The following CTIF variants were observed in gnomAD, a reference collection of about 807,000 sequenced individuals.
CTIF encodes cap binding complex dependent translation initiation factor, also known as CBP80/20-dependent translation initiation factor.
Under a neutral mutation model 66.0 loss-of-function variants are expected in CTIF, and 21 were observed. That is an observed-to-expected ratio of 0.32 (90% confidence interval 0.23 to 0.46). CTIF has a LOEUF of 0.46. CTIF is among the 20% of genes least tolerant of loss of function. The pLI, the probability that CTIF is intolerant of heterozygous loss-of-function variation, is 1.00. For synonymous variants in CTIF, 345 were observed against 326.4 expected (o/e 1.06, Z -0.62); for missense variants, 739 against 812.7 (o/e 0.91, Z 1.10).
intron 1 of CTIF, among the ~76,000 whole-genome samples, chr18:48,588,901 GC>G (rs1568053562): frequency 6.6e-6 from 1 of 152,074 alleles, no homozygotes; most frequent in Non-Finnish European, 1.5e-5. Flanking sequence ...CACCTCCTCA[GC>G]CACACAGTGG....
rs1485819975 is a variant in CTIF at position 48,669,808 on chromosome 18, T to C, written c.432-861T>C. On this transcript the variant is annotated intron_variant, in intron 5 of 11. Coordinates refer to ENST00000256413, the MANE Select transcript of CTIF (RefSeq NM_014772.3). ...AGCTAAACATTTATATATATATATATATATATATATATATATATATATATA... is the reference window on the plus strand; with the variant it reads ...AGCTAAACATTTATATATATATATACATATATATATATATATATATATATA... 5.0e-5 allele frequency among the ~76,000 whole-genome samples: 5 copies of C among 100,404 alleles called. 1 individual carries two copies. Among genetic ancestry groups the C allele is most frequent in the African/African-American group, 1.9e-4 (5 of 26,500 alleles). The allele number at this position is 100,404 out of a possible 152,430, so 65.9% of individuals were successfully genotyped here.
chr18:48,731,897 C>T (rs967613899), intron 7 of CTIF, among the ~76,000 whole-genome samples: 3 of 152,242 alleles, frequency 2.0e-5, no homozygotes, highest in African/African-American at 7.2e-5. Flanking sequence ...CATAACTCCT[C>T]AGCTCTGCCA....
At chr18:48,622,167 G>A (rs557263092) in intron 2 of CTIF, among the ~76,000 whole-genome samples, 66 of 152,348 alleles carry the variant, frequency 4.3e-4, no homozygotes, top group East Asian at 1.7e-3. Flanking sequence ...AGGCCAGGAC[G>A]GGAGTGGGTA....
At chr18:48,715,326 C>T (rs1285372858) in intron 7 of CTIF, among the ~76,000 whole-genome samples, 1 of 152,048 alleles carries the variant, frequency 6.6e-6, no homozygotes, top group Non-Finnish European at 1.5e-5. Context: ...CAACTAGTAA[C>T]CACTTGTTTG....
At chr18:48,589,932 A>G (rs1286557773) in intron 1 of CTIF, among the ~76,000 whole-genome samples, 1 of 152,186 alleles carries the variant, frequency 6.6e-6, no homozygotes, top group East Asian at 1.9e-4. Context: ...GTGCTCTGGG[A>G]CGTGCGGTCA....
intron 9 of CTIF, among the ~76,000 whole-genome samples, chr18:48,804,498 G>A (rs2068103951): frequency 6.6e-6 from 1 of 152,226 alleles, no homozygotes; most frequent in Non-Finnish European, 1.5e-5. Flanking sequence ...ATGCCCCTTG[G>A]CTGGGCTGCA....
chr18:48,854,257 G>A (rs981213246), intron 10 of CTIF, among the ~76,000 whole-genome samples: 2 of 152,136 alleles, frequency 1.3e-5, no homozygotes, highest in Non-Finnish European at 2.9e-5. Flanking sequence ...AGGGACTGGG[G>A]TGGTCAGGAA....
intron 9 of CTIF, among the ~76,000 whole-genome samples, chr18:48,783,144 A>G (rs1911396276): frequency 6.6e-6 from 1 of 152,182 alleles, no homozygotes; most frequent in Admixed American, 6.5e-5. Flanking sequence ...AGCAACTGGG[A>G]TCCAGGCCTG....
At chr18:48,728,946 T>C (rs1247793866) in intron 7 of CTIF, among the ~76,000 whole-genome samples, 1 of 152,224 alleles carries the variant, frequency 6.6e-6, no homozygotes, top group Non-Finnish European at 1.5e-5. Flanking sequence ...AGTTCCTTCC[T>C]GTACCATTGC....
intron 3 of CTIF, among the ~76,000 whole-genome samples, chr18:48,656,766 T>C (rs1183573184): frequency 1.3e-5 from 2 of 152,172 alleles, no homozygotes; most frequent in African/African-American, 2.4e-5. Context: ...ATGATTGTTT[T>C]TGATAAGGCT....
intron 9 of CTIF, among the ~76,000 whole-genome samples, chr18:48,797,381 G>A (rs1469585875): frequency 1.3e-5 from 2 of 151,962 alleles, no homozygotes. Flanking sequence ...TCCTTGGGAG[G>A]CTGAGGCACG....
chr18:48,840,367 T>C (rs1453887523), intron 10 of CTIF, among the ~76,000 whole-genome samples: 1 of 150,892 alleles, frequency 6.6e-6, no homozygotes, highest in Non-Finnish European at 1.5e-5. Flanking sequence ...TGCAGCCTGG[T>C]CAGTTGAACA....
intron 9 of CTIF, among the ~76,000 whole-genome samples, chr18:48,768,465 A>G (rs1212969727): frequency 6.6e-6 from 1 of 152,200 alleles, no homozygotes; most frequent in Non-Finnish European, 1.5e-5. Context: ...GGTAGGTTCC[A>G]GGGCAGGGAT....
chr18:48,540,673 G>A (rs1015946327), intron 1 of CTIF, among the ~76,000 whole-genome samples: 1 of 152,102 alleles, frequency 6.6e-6, no homozygotes, highest in South Asian at 2.1e-4. Flanking sequence ...TCCACCCCGA[G>A]GAGTGAGGCG....
intron 7 of CTIF, among the ~76,000 whole-genome samples, chr18:48,739,426 T>A (rs976503430): frequency 9.9e-5 from 15 of 152,210 alleles, no homozygotes; most frequent in Non-Finnish European, 2.1e-4. Flanking sequence ...CAGTTGGACT[T>A]GACGGCCCTT....
At chr18:48,563,760 C>T (rs1410728198) in intron 1 of CTIF, among the ~76,000 whole-genome samples, 1 of 152,266 alleles carries the variant, frequency 6.6e-6, no homozygotes, top group South Asian at 2.1e-4. Context: ...GCGTGAGCCA[C>T]CGTGCCTGGC....
At chr18:48,747,660 G>A (rs766340682) in intron 7 of CTIF, among the ~76,000 whole-genome samples, 3 of 151,706 alleles carry the variant, frequency 2.0e-5, no homozygotes, top group African/African-American at 4.8e-5. Flanking sequence ...TAATCCCAGC[G>A]CTCTGAGAGG....
chr18:48,828,735 C>T (rs529338128), intron 10 of CTIF, among the ~76,000 whole-genome samples: 25 of 152,358 alleles, frequency 1.6e-4, no homozygotes, highest in African/African-American at 4.6e-4. Flanking sequence ...GACGCACCCT[C>T]GGGCATGGGC....
intron 9 of CTIF, among the ~76,000 whole-genome samples, chr18:48,811,083 C>T (rs2146288323): frequency 6.6e-6 from 1 of 152,184 alleles, no homozygotes; most frequent in East Asian, 1.9e-4. Context: ...ATGTTGTGTG[C>T]TTTACAGACT....
Sources: allele counts gnomAD v4.1 joint callset (sites outside exome capture counted in the v4.1 genomes callset), GRCh38; gene constraint gnomAD v4.1.1; transcripts MANE v1.5; gene names NCBI Gene and HGNC (gene_info 2026-07-23, HGNC 2026-07-21).